Variants in RIPOR2 observed in about 807,000 individuals in gnomAD.
The protein encoded by RIPOR2 is rho family-interacting cell polarization regulator 2.
Under a neutral mutation model 114.5 loss-of-function variants are expected in RIPOR2, and 39 were observed. The ratio of observed to expected loss-of-function variants is 0.34; its 90% CI spans 0.26 to 0.44. The LOEUF (loss-of-function observed/expected upper bound fraction) is 0.44. Among genes scored for constraint, RIPOR2 ranks in the 20% least tolerant of loss-of-function variants. RIPOR2 has a pLI of 1.00. For synonymous variants in RIPOR2, 445 were observed against 484.4 expected (o/e 0.92, Z 1.07); for missense variants, 1,007 against 1,255.1 (o/e 0.80, Z 2.99).
intron 1 of RIPOR2, among the ~76,000 whole-genome samples, chr6:24,956,017 A>G (rs1274811137): frequency 6.6e-6 from 1 of 151,984 alleles, no homozygotes; most frequent in Non-Finnish European, 1.5e-5. Context: ...CTCAAAAAAA[A>G]AAAAAAAAAA....
chr6:24,987,666 C>G (rs1174423252), intron 1 of RIPOR2, among the ~76,000 whole-genome samples: 1 of 152,182 alleles, frequency 6.6e-6, no homozygotes, highest in Non-Finnish European at 1.5e-5. Flanking sequence ...GCAATGTTCA[C>G]AAAACAAAGA....
intron 1 of RIPOR2, among the ~76,000 whole-genome samples, chr6:25,030,484 T>A (rs74677454): frequency 0.018 from 2,806 of 152,242 alleles, 72 homozygotes; most frequent in African/African-American, 0.054. Flanking sequence ...GTGATTAGAG[T>A]TCTTACCACT....
intron 1 of RIPOR2, among the ~76,000 whole-genome samples, chr6:24,892,198 TC>T (rs938754303): frequency 1.3e-5 from 2 of 152,164 alleles, no homozygotes; most frequent in Non-Finnish European, 2.9e-5. Flanking sequence ...TTCCCAAGAC[TC>T]CCGTCTCCCC....
chr6:25,018,859 C>T (rs1054585829), intron 1 of RIPOR2, among the ~76,000 whole-genome samples: 1 of 152,102 alleles, frequency 6.6e-6, no homozygotes, highest in African/African-American at 2.4e-5. Flanking sequence ...TAAAGTTCCC[C>T]AATAACTTTT....
chr6:24,850,095 T>G (rs951035441), intron 10 of RIPOR2, 145 bp from the exon 11 acceptor site: 10 of 621,384 alleles, frequency 1.6e-5, no homozygotes, highest in Admixed American at 3.8e-5. Flanking sequence ...ATTTTTCTTT[T>G]TCTTTTTTTT....
intron 1 of RIPOR2, among the ~76,000 whole-genome samples, chr6:24,886,006 T>C (rs1199602168): frequency 6.6e-6 from 1 of 152,192 alleles, no homozygotes; most frequent in Admixed American, 6.5e-5. Flanking sequence ...AAAAAGATTT[T>C]GATTTTGAAA....
chr6:24,893,362 C>G lies in RIPOR2; in HGVS notation c.62-17545G>C, dbSNP rs9467344. On this transcript the variant is annotated intron_variant, in intron 1 of 21. Transcript: ENST00000643898. ...AGCATAAAGTAGGTGAGGGCAGTCT[C>G]AGAGACAGTAATTCTTAACCTTTAC... 3.3e-3 allele frequency among the ~76,000 whole-genome samples: 503 copies of G among 152,304 alleles called. 3 individuals carry two copies. The highest frequency in any genetic ancestry group is 0.011 in the African/African-American group (471 of 41,564).
intron 1 of RIPOR2, among the ~76,000 whole-genome samples, chr6:24,887,600 T>G (rs1310359415): frequency 6.6e-6 from 1 of 152,234 alleles, no homozygotes; most frequent in African/African-American, 2.4e-5. Flanking sequence ...GATGAAGTAA[T>G]TTGACATTAC....
At chr6:24,859,215 T>C (rs918072828) in intron 8 of RIPOR2, among the ~76,000 whole-genome samples, 2 of 152,176 alleles carry the variant, frequency 1.3e-5, no homozygotes, top group Non-Finnish European at 2.9e-5. Context: ...CACTTGATAA[T>C]ACTGAGCATC....
chr6:24,881,469 A>G (rs1766348026), intron 1 of RIPOR2, among the ~76,000 whole-genome samples: 1 of 152,158 alleles, frequency 6.6e-6, no homozygotes, highest in Non-Finnish European at 1.5e-5. Context: ...ACAACACAAC[A>G]GGGTCTTTCT....
chr6:24,893,214 T>G (rs570644546), intron 1 of RIPOR2, among the ~76,000 whole-genome samples: 8 of 152,336 alleles, frequency 5.3e-5, no homozygotes, highest in African/African-American at 1.9e-4. Context: ...ATTCAGGAAT[T>G]TGTTACCTCA....
At chr6:24,920,121 T>A (rs1053980387) in intron 1 of RIPOR2, among the ~76,000 whole-genome samples, 1 of 152,176 alleles carries the variant, frequency 6.6e-6, no homozygotes, top group African/African-American at 2.4e-5. Flanking sequence ...GACTGTTAAA[T>A]GGATGTGTGA....
intron 1 of RIPOR2, among the ~76,000 whole-genome samples, chr6:24,914,300 C>A (rs1053394651): frequency 6.6e-6 from 1 of 152,044 alleles, no homozygotes; most frequent in East Asian, 1.9e-4. Flanking sequence ...TACGTCACTG[C>A]GCCTCCAGCC....
At chr6:24,912,097 G>A (rs1769665314) in intron 1 of RIPOR2, among the ~76,000 whole-genome samples, 1 of 152,166 alleles carries the variant, frequency 6.6e-6, no homozygotes, top group Admixed American at 6.5e-5. Context: ...GATAAACTGT[G>A]TCATAACTCA....
At chr6:25,017,814 C>T (rs1776087928) in intron 1 of RIPOR2, among the ~76,000 whole-genome samples, 1 of 152,140 alleles carries the variant, frequency 6.6e-6, no homozygotes, top group Admixed American at 6.5e-5. Context: ...GAGTGTGGAC[C>T]CTGGCACAGC....
chr6:24,876,161 A>G (rs1765725825), intron 1 of RIPOR2, among the ~76,000 whole-genome samples: 1 of 151,948 alleles, frequency 6.6e-6, no homozygotes, highest in South Asian at 2.1e-4. Context: ...GTGGTGGCGC[A>G]TGTCTGTAAT....
chr6:25,035,764 G>A (rs1777218372), intron 1 of RIPOR2, among the ~76,000 whole-genome samples: 1 of 152,168 alleles, frequency 6.6e-6, no homozygotes, highest in Non-Finnish European at 1.5e-5. Context: ...GCAAGCAGGG[G>A]CCATCTGCAG....
At chr6:24,900,024 G>A (rs1768258906) in intron 1 of RIPOR2, among the ~76,000 whole-genome samples, 1 of 152,198 alleles carries the variant, frequency 6.6e-6, no homozygotes, top group African/African-American at 2.4e-5. Context: ...GAAGCCTGAA[G>A]AGTCTCATCA....
intron 9 of RIPOR2, among the ~76,000 whole-genome samples, chr6:24,851,055 C>T (rs1762851937): frequency 6.6e-6 from 1 of 152,032 alleles, no homozygotes; most frequent in South Asian, 2.1e-4. Flanking sequence ...GCCACCATGC[C>T]CGGCTAATTT....
Sources: allele counts gnomAD v4.1 joint callset (sites outside exome capture counted in the v4.1 genomes callset), GRCh38; gene constraint gnomAD v4.1.1; transcripts MANE v1.5; gene names NCBI Gene and HGNC (gene_info 2026-07-23, HGNC 2026-07-21).